Variants in CBFB observed in about 807,000 individuals in gnomAD.
CBFB encodes the protein CBF-beta.
CBFB carries 9 observed loss-of-function variants against 30.4 expected under a neutral mutation model. That is an observed-to-expected ratio of 0.30 (90% CI 0.18 to 0.52). CBFB has a LOEUF of 0.52. Ranked by LOEUF, CBFB falls within the 20% of genes least tolerant of loss-of-function variation. CBFB has a pLI of 0.97. For synonymous variants in CBFB, 94 were observed against 84.0 expected (o/e 1.12, Z -0.65); for missense variants, 170 against 244.0 (o/e 0.70, Z 2.02).
chr16:67,091,092 T>C (rs999882562), intron 5 of CBFB, among the ~76,000 whole-genome samples: 6 of 152,172 alleles, frequency 3.9e-5, no homozygotes, highest in Non-Finnish European at 8.8e-5. Context: ...TAGATGAGAA[T>C]GAACTGGGAG....
intron 3 of CBFB, among the ~76,000 whole-genome samples, chr16:67,061,329 C>G (rs1446256844): frequency 6.6e-6 from 1 of 152,132 alleles, no homozygotes; most frequent in Non-Finnish European, 1.5e-5. Context: ...TCTGTTTACC[C>G]ATTTTAAATC....
intron 3 of CBFB, among the ~76,000 whole-genome samples, chr16:67,050,802 A>G (rs1310408559): frequency 2.0e-5 from 3 of 152,200 alleles, no homozygotes; most frequent in Non-Finnish European, 4.4e-5. Context: ...CCAAAAAACT[A>G]AAAGTTTAAA....
Position 67,081,127 on chromosome 16 carries a change from C to T in CBFB, c.400-1086C>T, listed in dbSNP as rs1281611314. On this transcript the variant is annotated intron_variant, in intron 4 of 5. Transcript: ENST00000412916. ...TATCTCCCAATGCTATCCCTCCCCC[C>T]TCCCCCCACCCCACAACAGTCCCCA... is the stretch of plus-strand genomic sequence containing the variant. Among the ~76,000 whole-genome samples, 31 of 110,868 alleles carry T rather than the reference C, an allele frequency of 2.8e-4. 1 individual carries two copies. Among genetic ancestry groups the T allele is most frequent in the African/African-American group, 1.0e-3 (29 of 29,048 alleles). 72.7% of individuals were successfully genotyped at this position (110,868 alleles called of 152,430 possible). A position where few individuals can be genotyped will look rare whatever the true frequency, so the allele number is the denominator to read the frequency against.
intron 5 of CBFB, among the ~76,000 whole-genome samples, chr16:67,084,443 T>G (rs1961660756): frequency 1.3e-5 from 2 of 152,130 alleles, no homozygotes; most frequent in Non-Finnish European, 1.5e-5. Context: ...ATTGTTAAAT[T>G]CATGTCCTAT....
chr16:67,076,155 G>C (rs920708182), intron 4 of CBFB, among the ~76,000 whole-genome samples: 8 of 152,064 alleles, frequency 5.3e-5, no homozygotes, highest in Non-Finnish European at 1.2e-4. Context: ...GCTTGGACCC[G>C]GGAGGCAGAG....
intron 4 of CBFB, among the ~76,000 whole-genome samples, chr16:67,075,063 A>ATGGGTT (rs1961348447): frequency 6.6e-6 from 1 of 152,010 alleles, no homozygotes; most frequent in Non-Finnish European, 1.5e-5. Context: ...GGTGGCACAC[A>ATGGGTT]CCTATAATCC....
intron 5 of CBFB, among the ~76,000 whole-genome samples, chr16:67,083,589 C>T (rs774135639): frequency 6.6e-5 from 10 of 152,256 alleles, no homozygotes; most frequent in African/African-American, 1.2e-4. Flanking sequence ...TGAGCCACTG[C>T]GTCTGGCCCA....
chr16:67,062,434 T>C (rs1456429662), intron 3 of CBFB, among the ~76,000 whole-genome samples: 1 of 150,128 alleles, frequency 6.7e-6, no homozygotes, highest in African/African-American at 2.4e-5. Flanking sequence ...CCTCCCAAAG[T>C]GCTGGGATTA....
At position 67,066,673 on chromosome 16, in the gene CBFB, G is replaced by T. The variant is rs1961069338; in HGVS notation, c.283-9G>T. 1 of 1,423,224 alleles carries T rather than the reference G, an allele frequency of 7.0e-7. No homozygotes were observed. Among genetic ancestry groups the T allele is most frequent in the Non-Finnish European group, 9.9e-7 (1 of 1,010,410 alleles). 88.2% of individuals were successfully genotyped at this position (1,423,224 alleles called of 1,614,324 possible). On this transcript the variant is annotated splice_polypyrimidine_tract_variant and intron_variant, in intron 3 of 5. Transcript: ENST00000412916. ...TTTTCAATTATTTTCATCCTTTTCT[G>T]TGTCTTAGGTATATTTGAAGGCTCC...
At chr16:67,042,696 T>G (rs1239104272) in intron 3 of CBFB, among the ~76,000 whole-genome samples, 1 of 152,148 alleles carries the variant, frequency 6.6e-6, no homozygotes, top group Non-Finnish European at 1.5e-5. Context: ...TAGTCATGCT[T>G]CTCCATAGAG....
chr16:67,091,954 AC>A (rs756368719), intron 5 of CBFB, among the ~76,000 whole-genome samples: 21 of 150,012 alleles, frequency 1.4e-4, no homozygotes, highest in Non-Finnish European at 2.4e-4. Flanking sequence ...GCTCACCACA[AC>A]CTCCACCTCC....
At chr16:67,035,354 G>A (rs1261701034) in intron 2 of CBFB, among the ~76,000 whole-genome samples, 1 of 152,176 alleles carries the variant, frequency 6.6e-6, no homozygotes, top group Non-Finnish European at 1.5e-5. Context: ...AAAGGGCTGG[G>A]ATTACGAGTG....
At chr16:67,082,128 G>GAA in intron 4 of CBFB, 85 bp from the exon 5 acceptor site, 1 of 1,002,908 alleles carries the variant, frequency 1.0e-6, no homozygotes, top group Admixed American at 3.1e-5. Context: ...CACTGTTTCA[G>GAA]GAAAAAAAAA....
chr16:67,029,362 C>T lies in CBFB; in HGVS notation c.-46C>T, dbSNP rs752659053. The T allele has an allele frequency of 1.4e-5, 20 of 1,405,868 alleles. No homozygotes were observed. The highest frequency in any genetic ancestry group is 1.8e-5 in the Non-Finnish European group (19 of 1,061,930). 87.1% of individuals were successfully genotyped at this position (1,405,868 alleles called of 1,614,324 possible). A position where few individuals can be genotyped will look rare whatever the true frequency, so the allele number is the denominator to read the frequency against. ...CGCGGAGCCAGCCAGCGGGTGCCCGCGCAAGCCCCGAGCGCGGCCGGCCGG... is the reference window on the plus strand; with the variant it reads ...CGCGGAGCCAGCCAGCGGGTGCCCGTGCAAGCCCCGAGCGCGGCCGGCCGG... On this transcript the variant is annotated 5_prime_UTR_variant, in exon 1 of 6. Coordinates refer to ENST00000412916, the MANE Select transcript of CBFB (RefSeq NM_022845.3).
Position 67,100,497 on chromosome 16 carries a change from T to C in CBFB, c.*1719T>C. On this transcript the variant is annotated 3_prime_UTR_variant, in exon 6 of 6. Transcript: ENST00000412916. ...AAGTACTATGAATGAATTTGGTTGG[T>C]TTTGGTGTTGTACAGCTCACATGTT... The C allele has an allele frequency of 4.4e-6, 1 of 228,100 alleles. No individual in the cohort carries two copies. Among genetic ancestry groups the C allele is most frequent in the Non-Finnish European group, 8.7e-6 (1 of 114,634 alleles). The allele number at this position is 228,100 out of a possible 1,614,324, so 14.1% of individuals were successfully genotyped here.
chr16:67,071,997 G>A (rs930272371), intron 4 of CBFB, among the ~76,000 whole-genome samples: 6 of 152,102 alleles, frequency 3.9e-5, no homozygotes, highest in Admixed American at 3.9e-4. Flanking sequence ...TCTCTCTGCT[G>A]ATCACACAGG....
At chr16:67,039,909 G>A (rs1966502397) in intron 3 of CBFB, among the ~76,000 whole-genome samples, 1 of 152,102 alleles carries the variant, frequency 6.6e-6, no homozygotes, top group Admixed American at 6.6e-5. Context: ...TCCCTCAGAT[G>A]TAAATCTGTA....
chr16:67,087,445 A>G (rs1189819776), intron 5 of CBFB, among the ~76,000 whole-genome samples: 2 of 151,950 alleles, frequency 1.3e-5, no homozygotes, highest in African/African-American at 4.8e-5. Flanking sequence ...GTTCCCAGCT[A>G]CTTGGGAGGC....
rs1271220293 is a variant in CBFB, at chr16:67,072,670, T to G, written c.399+5872T>G. Among the ~76,000 whole-genome samples the G allele has an allele frequency of 2.6e-5, 4 of 152,048 alleles. No homozygotes were observed. In the South Asian group the frequency reaches 6.2e-4, roughly 24 times the overall value. On this transcript the variant is annotated intron_variant, in intron 4 of 5. Coordinates refer to ENST00000412916, the MANE Select transcript of CBFB (RefSeq NM_022845.3). ...TAGTAGAGACGGGGTTTCTCCATGT[T>G]GGTCAGGCTGGTCTTCAACTCCTGA... is the stretch of plus-strand genomic sequence containing the variant.
Sources: allele counts gnomAD v4.1 joint callset (sites outside exome capture counted in the v4.1 genomes callset), GRCh38; gene constraint gnomAD v4.1.1; transcripts MANE v1.5; gene names NCBI Gene and HGNC (gene_info 2026-07-23, HGNC 2026-07-21).